SRSF11: variants seen among roughly 807,000 people sequenced by gnomAD.
The protein encoded by SRSF11 is serine and arginine rich splicing factor 11.
A neutral mutation model predicts 56.0 loss-of-function variants in SRSF11; 9 were observed. The observed-to-expected ratio is 0.16, with a 90% CI of 0.10 to 0.28. The LOEUF is 0.28. Ranked by LOEUF, SRSF11 falls within the 10% of genes least tolerant of loss-of-function variation. The pLI is 1.00. For synonymous variants in SRSF11, 222 were observed against 215.3 expected (o/e 1.03, Z -0.27); for missense variants, 421 against 600.7 (o/e 0.70, Z 3.13).
rs1674910717 is a variant in SRSF11 at position 70,239,770 on chromosome 1, T to C, written c.800+250T>C. ...AAGCATTGGAACTAGAGCAACAAAA[T>C]GAAAAATAATTGATTCATTGAATTA... On this transcript the variant is annotated intron_variant, in intron 7 of 11. Coordinates refer to ENST00000370949, the MANE Select transcript of SRSF11 (RefSeq NM_001350605.2). 3.3e-5 allele frequency among the ~76,000 whole-genome samples: 5 copies of C among 152,178 alleles called. No homozygotes were observed. The South Asian group carries it at 8.3e-4, about 25-fold the overall frequency.
chr1:70,227,475 TACCCCCA>T lies in SRSF11; in HGVS notation c.204-934_204-928del, dbSNP rs543434240. 2.7e-4 allele frequency among the ~76,000 whole-genome samples: 41 copies of T among 152,234 alleles called. No homozygotes were observed. In the East Asian group the frequency reaches 4.4e-3, roughly 17 times the overall value. ...TTTAATTCATGTGAAGAGTGTGGAT[TACCCCCA>T]ACCCCCAACCCCATGACTCTAATAC... On this transcript the variant is annotated intron_variant, in intron 1 of 11. Coordinates refer to ENST00000370949, the MANE Select transcript of SRSF11 (RefSeq NM_001350605.2).
At chr1:70,238,252 A>G (rs1478798599) in intron 6 of SRSF11, among the ~76,000 whole-genome samples, 1 of 152,228 alleles carries the variant, frequency 6.6e-6, no homozygotes, top group African/African-American at 2.4e-5. Flanking sequence ...GGCAAGCAGT[A>G]GGAACTTTTA....
intron 6 of SRSF11, among the ~76,000 whole-genome samples, chr1:70,239,005 G>C (rs1173496539): frequency 1.3e-5 from 2 of 152,114 alleles, no homozygotes; most frequent in African/African-American, 4.8e-5. Context: ...GACATTCAAG[G>C]GTTGTATGTA....
At position 70,252,945 on chromosome 1, in the gene SRSF11, C is replaced by A. The variant is rs1440061733; in HGVS notation, c.*2140C>A. The A allele has an allele frequency of 6.6e-6, 1 of 152,146 alleles. No individual in the cohort carries two copies. The highest frequency in any genetic ancestry group is 1.9e-4 in the East Asian group (1 of 5,200). 9.4% of individuals were successfully genotyped at this position (152,146 alleles called of 1,614,324 possible). ...AGGTAGTGTTGCACTGGGACACAAGCCTTTTAACAGATAACCAGTTGAAAT... is the reference window on the plus strand; with the variant it reads ...AGGTAGTGTTGCACTGGGACACAAGACTTTTAACAGATAACCAGTTGAAAT... On this transcript the variant is annotated 3_prime_UTR_variant, in exon 12 of 12. Coordinates refer to ENST00000370949, the MANE Select transcript of SRSF11 (RefSeq NM_001350605.2).
chr1:70,214,938 G>T (rs551450178), intron 1 of SRSF11, among the ~76,000 whole-genome samples: 61 of 130,556 alleles, frequency 4.7e-4, no homozygotes, highest in Non-Finnish European at 8.2e-4. Context: ...TTGCCCTGTC[G>T]CCTAGGCTGG....
intron 1 of SRSF11, among the ~76,000 whole-genome samples, chr1:70,223,824 C>G (rs964642744): frequency 6.6e-6 from 1 of 152,156 alleles, no homozygotes; most frequent in Non-Finnish European, 1.5e-5. Context: ...CAGGGTTCAT[C>G]ATTCCAAAAA....
At chr1:70,232,437 A>G in intron 3 of SRSF11, 60 bp downstream of exon 3, 1 of 1,348,128 alleles carries the variant, frequency 7.4e-7, no homozygotes, top group Non-Finnish European at 1.0e-6. Context: ...GCATAAAGCT[A>G]AACATATTTG....
chr1:70,216,506 C>T (rs553076135), upstream of SRSF11, among the ~76,000 whole-genome samples: 64 of 151,740 alleles, frequency 4.2e-4, no homozygotes, highest in African/African-American at 1.5e-3. Flanking sequence ...GATCTCAGCT[C>T]ACTGCAGCTT....
chr1:70,232,080 A>T (rs961897785), intron 2 of SRSF11, 188 bp from the exon 3 acceptor site: 24 of 1,534,776 alleles, frequency 1.6e-5, no homozygotes, highest in Non-Finnish European at 2.1e-5. Context: ...ACAAATTTTC[A>T]CACATTGAAG....
intron 9 of SRSF11, chr1:70,249,258 G>C (rs1265590948): frequency 6.6e-6 from 1 of 152,056 alleles, no homozygotes; most frequent in Non-Finnish European, 1.5e-5. Flanking sequence ...TATTTTATTA[G>C]TAACTACCTT....
chr1:70,225,830 A>G lies in SRSF11; in HGVS notation c.204-2592A>G, dbSNP rs1365639052. On this transcript the variant is annotated intron_variant, in intron 1 of 11. Transcript: ENST00000370949. ...TATTAATTCTAAAGAGATACGGAGT[A>G]AAATATGTGTCGTATTTGGAAGCAG... 2.6e-5 allele frequency among the ~76,000 whole-genome samples: 4 copies of G among 152,182 alleles called. No individual in the cohort carries two copies. The East Asian group carries it at 5.8e-4, about 22-fold the overall frequency.
intron 2 of SRSF11, 23 bp from the exon 3 acceptor site, chr1:70,232,245 A>G (rs1394409978): frequency 6.2e-7 from 1 of 1,614,048 alleles, no homozygotes; most frequent in Non-Finnish European, 8.5e-7. Flanking sequence ...AATGTGTTCT[A>G]ATGCAAGGAT....
chr1:70,206,594 T>C (rs1669049380), intron 1 of SRSF11, among the ~76,000 whole-genome samples: 1 of 152,118 alleles, frequency 6.6e-6, no homozygotes, highest in African/African-American at 2.4e-5. Flanking sequence ...GGTGCTAGAC[T>C]TTTCTTTTGC....
chr1:70,225,779 C>G (rs902816297), intron 1 of SRSF11, among the ~76,000 whole-genome samples: 4 of 152,136 alleles, frequency 2.6e-5, no homozygotes, highest in Non-Finnish European at 5.9e-5. Flanking sequence ...TTTACCCTAT[C>G]TTGTTCCTCA....
intron 1 of SRSF11, among the ~76,000 whole-genome samples, chr1:70,211,987 A>G (rs771483361): frequency 1.3e-5 from 2 of 152,172 alleles, no homozygotes; most frequent in Admixed American, 6.5e-5. Flanking sequence ...TACTTGATCA[A>G]TATCTCCAAG....
At chr1:70,235,352 G>GTTTTTTTTTTTTTTT in intron 4 of SRSF11, 149 bp from the exon 5 acceptor site, 1 of 648,668 alleles carries the variant, frequency 1.5e-6, no homozygotes. Flanking sequence ...TTTTGTTTTT[G>GTTTTTTTTTTTTTTT]TTTTTTCTTT....
At chr1:70,219,104 A>G (rs1338604694), upstream of SRSF11, among the ~76,000 whole-genome samples, 4 of 152,234 alleles carry the variant, frequency 2.6e-5, no homozygotes, top group East Asian at 7.7e-4. Context: ...CAGATTTTAA[A>G]TGTTAGGATT....
At chr1:70,248,163 G>T (rs1221156386) in intron 9 of SRSF11, among the ~76,000 whole-genome samples, 2 of 152,096 alleles carry the variant, frequency 1.3e-5, no homozygotes, top group South Asian at 4.1e-4. Context: ...TGACCCACCA[G>T]TTGTACCCCT....
rs1256049888 is a variant in SRSF11 at position 70,236,334 on chromosome 1, T to G, written c.590+784T>G. Among the ~76,000 whole-genome samples, 5 of 143,560 alleles carry G rather than the reference T, an allele frequency of 3.5e-5. No homozygotes were observed. In the East Asian group the frequency reaches 1.0e-3, roughly 29 times the overall value. 94.2% of individuals were successfully genotyped at this position (143,560 alleles called of 152,430 possible). On this transcript the variant is annotated intron_variant, in intron 5 of 11. Coordinates refer to ENST00000370949, the MANE Select transcript of SRSF11 (RefSeq NM_001350605.2). ...TTTTTTCTTTCTTCTTTCTTTTTCT[T>G]TTTTTTTTTTTTTTTGAGACGAGTC...
Sources: allele counts gnomAD v4.1 joint callset (sites outside exome capture counted in the v4.1 genomes callset), GRCh38; gene constraint gnomAD v4.1.1; transcripts MANE v1.5; gene names NCBI Gene and HGNC (gene_info 2026-07-23, HGNC 2026-07-21).